PLXNA4: variants seen among roughly 807,000 people sequenced by gnomAD.
PLXNA4 encodes the protein plexin-A4.
Under a neutral mutation model 191.8 loss-of-function variants are expected in PLXNA4, and 44 were observed. The observed-to-expected ratio is 0.23, with a 90% CI of 0.18 to 0.29. The LOEUF (loss-of-function observed/expected upper bound fraction) is 0.29. PLXNA4 is among the 10% of genes least tolerant of loss of function. PLXNA4 has a pLI of 1.00. For synonymous variants in PLXNA4, 1,082 were observed against 1,009.5 expected, an observed-to-expected ratio of 1.07 and a Z score of -1.36; for missense variants, 1,800 against 2,488.8, an observed-to-expected ratio of 0.72 and a Z score of 5.89.
chr7:132,491,732 C>G (rs1404659884), intron 2 of PLXNA4, among the ~76,000 whole-genome samples: 3 of 152,110 alleles, frequency 2.0e-5, no homozygotes, highest in Non-Finnish European at 4.4e-5. Context: ...AGTTCGAGAC[C>G]AACACTGTCT....
chr7:132,387,754 C>T lies in PLXNA4; in HGVS notation c.1372-89532G>A, dbSNP rs529493224. 1.7e-3 allele frequency among the ~76,000 whole-genome samples: 255 copies of T among 152,226 alleles called. 1 individual carries two copies. The highest frequency in any genetic ancestry group is 5.8e-3 in the African/African-American group (239 of 41,550). On this transcript the variant is annotated intron_variant, in intron 3 of 31. Transcript: ENST00000321063. ...TTGATTCTGTAATGGAGATTGTGGG[C>T]GGCCCACGCAGAGACAGCAGGATGT...
intron 3 of PLXNA4, among the ~76,000 whole-genome samples, chr7:132,429,295 C>A (rs1174001666): frequency 2.6e-5 from 4 of 152,202 alleles, no homozygotes; most frequent in African/African-American, 4.8e-5. Flanking sequence ...ACTGGTCCCA[C>A]CCACTGGACA....
At chr7:132,311,396 G>A (rs770476453) in intron 3 of PLXNA4, among the ~76,000 whole-genome samples, 8 of 152,058 alleles carry the variant, frequency 5.3e-5, no homozygotes, top group East Asian at 3.9e-4. Context: ...GGTCATGAGC[G>A]CTCACTGTCT....
rs759415931 is a variant in PLXNA4 at position 132,189,006 on chromosome 7, GAGAGAGAGAGAGAGAGAGAGAGAA to G, written c.2857-1423_2857-1400del. ...AAGGAAAGGAAAGGAGAGAGAGAGA[GAGAGAGAGAGAGAGAGAGAGAGAA>G]AGAGAGAGAGAGAGAGAGAGAGAGA... is the stretch of plus-strand genomic sequence containing the variant. On this transcript the variant is annotated intron_variant, in intron 14 of 31. Transcript: ENST00000321063. Among the ~76,000 whole-genome samples, 94 of 52,934 alleles carry G rather than the reference GAGAGAGAGAGAGAGAGAGAGAGAA, an allele frequency of 1.8e-3. 2 individuals are homozygous for G. Among genetic ancestry groups the G allele is most frequent in the African/African-American group, 3.3e-3 (53 of 16,084 alleles). The allele number at this position is 52,934 out of a possible 152,430, so 34.7% of individuals were successfully genotyped here. A position where few individuals can be genotyped will look rare whatever the true frequency, so the allele number is the denominator to read the frequency against.
intron 30 of PLXNA4, among the ~76,000 whole-genome samples, chr7:132,135,039 AT>A (rs1795073564): frequency 6.6e-6 from 1 of 152,154 alleles, no homozygotes; most frequent in Non-Finnish European, 1.5e-5. Context: ...AATAAATGCC[AT>A]TGTTCCATTT....
chr7:132,296,649 G>T (rs1801092926), intron 4 of PLXNA4, among the ~76,000 whole-genome samples: 1 of 152,066 alleles, frequency 6.6e-6, no homozygotes, highest in Non-Finnish European at 1.5e-5. Context: ...TTCAGATCAG[G>T]CAAGAAATCT....
chr7:132,249,552 C>T (rs1799174061), intron 4 of PLXNA4, among the ~76,000 whole-genome samples: 1 of 152,200 alleles, frequency 6.6e-6, no homozygotes, highest in African/African-American at 2.4e-5. Context: ...GCTAAAATGG[C>T]ACGTGATCGT....
At chr7:132,644,699 T>A (rs1210774195) in intron 2 of PLXNA4, among the ~76,000 whole-genome samples, 4 of 152,178 alleles carry the variant, frequency 2.6e-5, no homozygotes, top group Non-Finnish European at 5.9e-5. Context: ...AGGAAGATGA[T>A]GAAGGAAATA....
At chr7:132,241,701 A>G (rs1018074498) in intron 4 of PLXNA4, among the ~76,000 whole-genome samples, 2 of 152,150 alleles carry the variant, frequency 1.3e-5, no homozygotes, top group African/African-American at 4.8e-5. Context: ...ATTTACCAAG[A>G]TATCATAAGC....
intron 3 of PLXNA4, among the ~76,000 whole-genome samples, chr7:132,426,687 C>G (rs924501427): frequency 2.0e-5 from 3 of 152,062 alleles, no homozygotes; most frequent in Non-Finnish European, 2.9e-5. Flanking sequence ...AACATATAGT[C>G]TTCTGGAAAG....
intron 1 of PLXNA4, among the ~76,000 whole-genome samples, chr7:132,526,918 G>T (rs1194284083): frequency 6.6e-6 from 1 of 152,166 alleles, no homozygotes; most frequent in East Asian, 1.9e-4. Context: ...CACAATGGGT[G>T]TTAAACAGGG....
intron 2 of PLXNA4, among the ~76,000 whole-genome samples, chr7:132,634,633 G>A (rs2116883209): frequency 6.6e-6 from 1 of 152,252 alleles, no homozygotes; most frequent in South Asian, 2.1e-4. Flanking sequence ...TCTGAATATT[G>A]CCCTCTCCCT....
At chr7:132,559,270 T>TG (rs906765941) in intron 1 of PLXNA4, among the ~76,000 whole-genome samples, 7 of 152,202 alleles carry the variant, frequency 4.6e-5, no homozygotes, top group African/African-American at 1.7e-4. Flanking sequence ...GCCACCTCTA[T>TG]GGGGTTTTTG....
chr7:132,547,974 G>A (rs1419601824), intron 1 of PLXNA4, among the ~76,000 whole-genome samples: 1 of 152,142 alleles, frequency 6.6e-6, no homozygotes, highest in African/African-American at 2.4e-5. Context: ...ACAGGCCCTG[G>A]GGAGTCTGAA....
chr7:132,171,822 G>A (rs754144283), intron 21 of PLXNA4, among the ~76,000 whole-genome samples: 33 of 152,244 alleles, frequency 2.2e-4, no homozygotes, highest in Non-Finnish European at 2.6e-4. Flanking sequence ...CTATTGCCTC[G>A]TCTGTAAAAT....
At chr7:132,547,769 G>C (rs1191217398) in intron 1 of PLXNA4, among the ~76,000 whole-genome samples, 8 of 152,140 alleles carry the variant, frequency 5.3e-5, no homozygotes, top group Non-Finnish European at 1.2e-4. Flanking sequence ...AGGGTCTGCG[G>C]AGGCAACAAG....
At chr7:132,224,203 A>T (rs1393815472) in intron 8 of PLXNA4, among the ~76,000 whole-genome samples, 1 of 152,116 alleles carries the variant, frequency 6.6e-6, no homozygotes, top group African/African-American at 2.4e-5. Flanking sequence ...CCCTTTTCCA[A>T]AAACTCAAAT....
chr7:132,580,862 G>A (rs1478758720), upstream of PLXNA4, among the ~76,000 whole-genome samples: 1 of 152,154 alleles, frequency 6.6e-6, no homozygotes, highest in Non-Finnish European at 1.5e-5. Flanking sequence ...AAAACCACAG[G>A]CAGGCAGTCA....
chr7:132,532,231 A>G (rs1015003115), intron 1 of PLXNA4, among the ~76,000 whole-genome samples: 10 of 152,248 alleles, frequency 6.6e-5, no homozygotes, highest in African/African-American at 2.4e-4. Flanking sequence ...AAGAAGACAG[A>G]AAAAGGAAGG....
Sources: allele counts gnomAD v4.1 joint callset (sites outside exome capture counted in the v4.1 genomes callset), GRCh38; gene constraint gnomAD v4.1.1; transcripts MANE v1.5; gene names NCBI Gene and HGNC (gene_info 2026-07-23, HGNC 2026-07-21).